The following CDH4 variants were observed in gnomAD, a reference collection of about 807,000 sequenced individuals.
The protein encoded by CDH4 is cadherin-4.
CDH4 carries 33 observed loss-of-function variants against 86.0 expected under a neutral mutation model. The observed-to-expected ratio is 0.38, with a 90% CI of 0.29 to 0.51. The LOEUF (loss-of-function observed/expected upper bound fraction) is 0.51, where lower values mean the gene tolerates loss of function less well. Among genes scored for constraint, CDH4 ranks in the 20% least tolerant of loss-of-function variants. CDH4 has a pLI of 0.86. For synonymous variants in CDH4, 555 were observed against 549.4 expected, an observed-to-expected ratio of 1.01 and a Z score of -0.14; for missense variants, 1,114 against 1,307.4, an observed-to-expected ratio of 0.85 and a Z score of 2.28.
chr20:61,274,933 TTGGA>T (rs2084218601), intron 2 of CDH4, among the ~76,000 whole-genome samples: 1 of 148,064 alleles, frequency 6.8e-6, no homozygotes, highest in African/African-American at 2.5e-5. Context: ...TGTGCACAGT[TTGGA>T]GGAGTACCAT....
chr20:61,287,895 G>A (rs189081126), intron 2 of CDH4, among the ~76,000 whole-genome samples: 60 of 152,256 alleles, frequency 3.9e-4, no homozygotes, highest in Non-Finnish European at 6.6e-4. Context: ...GCCAGTGTCC[G>A]GGTGGCACTG....
At chr20:61,746,970 G>A (rs1047592223) in intron 3 of CDH4, among the ~76,000 whole-genome samples, 10 of 152,220 alleles carry the variant, frequency 6.6e-5, no homozygotes, top group African/African-American at 1.9e-4. Context: ...CCGGATTGCT[G>A]GTGTCCTGGC....
At chr20:61,624,486 C>T (rs2086810037) in intron 2 of CDH4, among the ~76,000 whole-genome samples, 1 of 152,190 alleles carries the variant, frequency 6.6e-6, no homozygotes, top group Admixed American at 6.5e-5. Flanking sequence ...CTCCCTTCCC[C>T]AGCTCCCCCT....
chr20:61,407,034 C>T (rs1423644449), intron 2 of CDH4, among the ~76,000 whole-genome samples: 2 of 151,966 alleles, frequency 1.3e-5, no homozygotes, highest in Non-Finnish European at 2.9e-5. Context: ...CCTGGACCAC[C>T]ATCTGCTCTG....
intron 2 of CDH4, among the ~76,000 whole-genome samples, chr20:61,422,316 CG>C (rs1568838302): frequency 6.6e-6 from 1 of 150,760 alleles, no homozygotes; most frequent in East Asian, 2.0e-4. Flanking sequence ...CCCAGCTACT[CG>C]GGGGGCTGAA....
intron 5 of CDH4, among the ~76,000 whole-genome samples, chr20:61,847,233 C>T (rs573507153): frequency 2.7e-4 from 41 of 152,336 alleles, no homozygotes; most frequent in Non-Finnish European, 4.6e-4. Context: ...GCACACAGCA[C>T]GGCTAGGGGA....
chr20:61,619,851 A>T (rs1361166442), intron 2 of CDH4, among the ~76,000 whole-genome samples: 4 of 152,242 alleles, frequency 2.6e-5, no homozygotes, highest in Non-Finnish European at 2.9e-5. Context: ...CAAGAGGGGA[A>T]GTTGCCGTAG....
At chr20:61,863,853 G>C (rs559593501) in intron 6 of CDH4, among the ~76,000 whole-genome samples, 2 of 152,296 alleles carry the variant, frequency 1.3e-5, no homozygotes, top group South Asian at 4.1e-4. Context: ...GGCCACAGAG[G>C]CTCCTGCGGA....
chr20:61,521,084 T>C lies in CDH4; in HGVS notation c.170-222479T>C, dbSNP rs540855081. Among the ~76,000 whole-genome samples, 47 of 152,334 alleles carry C rather than the reference T, an allele frequency of 3.1e-4. No individual in the cohort carries two copies. In the Middle Eastern group the frequency reaches 0.014, roughly 44 times the overall value. On this transcript the variant is annotated intron_variant, in intron 2 of 15. Coordinates refer to ENST00000614565, the MANE Select transcript of CDH4 (RefSeq NM_001794.5). ...TCTGTTCTGATTTGAAGATGGCTAG[T>C]GTCTTTTGCGATCATCCCATCAGAA...
chr20:61,603,017 C>T (rs1452915240), intron 2 of CDH4, among the ~76,000 whole-genome samples: 3 of 152,238 alleles, frequency 2.0e-5, no homozygotes, highest in African/African-American at 7.2e-5. Context: ...ATTAAGCAAC[C>T]ATTTTGCACC....
At chr20:61,611,393 G>A (rs545413717) in intron 2 of CDH4, among the ~76,000 whole-genome samples, 127 of 152,136 alleles carry the variant, frequency 8.3e-4, no homozygotes, top group South Asian at 3.1e-3. Flanking sequence ...GAGCTGAGCC[G>A]GGAACCTGGG....
chr20:61,884,429 G>A (rs1050583048), intron 7 of CDH4, among the ~76,000 whole-genome samples: 2 of 152,234 alleles, frequency 1.3e-5, no homozygotes, highest in African/African-American at 4.8e-5. Flanking sequence ...AGTGGTGAGG[G>A]AGAGACAGTG....
intron 2 of CDH4, among the ~76,000 whole-genome samples, chr20:61,579,051 C>T (rs911649809): frequency 1.3e-5 from 2 of 152,246 alleles, no homozygotes; most frequent in African/African-American, 2.4e-5. Context: ...CTCAGTCCTG[C>T]GGGGCCATGC....
chr20:61,788,937 G>T (rs1175193186), intron 4 of CDH4, among the ~76,000 whole-genome samples: 1 of 152,248 alleles, frequency 6.6e-6, no homozygotes, highest in Non-Finnish European at 1.5e-5. Flanking sequence ...TTCCCTAGTG[G>T]TGCTGAAACA....
chr20:61,461,567 G>T (rs538696596), intron 2 of CDH4, among the ~76,000 whole-genome samples: 1 of 152,122 alleles, frequency 6.6e-6, no homozygotes, highest in Non-Finnish European at 1.5e-5. Context: ...GTCCAGGCAC[G>T]GATGCCTGGG....
intron 2 of CDH4, among the ~76,000 whole-genome samples, chr20:61,387,878 T>C (rs1238672854): frequency 7.1e-6 from 1 of 141,134 alleles, no homozygotes; most frequent in Non-Finnish European, 1.5e-5. Flanking sequence ...CCGCCCCAGG[T>C]CTCCACTGCC....
intron 2 of CDH4, among the ~76,000 whole-genome samples, chr20:61,588,642 A>G (rs1241759449): frequency 1.3e-5 from 2 of 151,950 alleles, no homozygotes; most frequent in Non-Finnish European, 1.5e-5. Flanking sequence ...CCGAGACCAC[A>G]CTAGCCCGCT....
intron 2 of CDH4, among the ~76,000 whole-genome samples, chr20:61,315,287 G>A (rs1339319567): frequency 6.6e-6 from 1 of 152,188 alleles, no homozygotes; most frequent in East Asian, 1.9e-4. Flanking sequence ...CCTCCTCTGG[G>A]CATGAGGCAG....
At chr20:61,536,052 G>A (rs201085417) in intron 2 of CDH4, among the ~76,000 whole-genome samples, 8 of 126,458 alleles carry the variant, frequency 6.3e-5, no homozygotes, top group Non-Finnish European at 1.2e-4. Context: ...GAGTGCCCCC[G>A]GAGCCCCACC....
Sources: allele counts gnomAD v4.1 joint callset (sites outside exome capture counted in the v4.1 genomes callset), GRCh38; gene constraint gnomAD v4.1.1; transcripts MANE v1.5; gene names NCBI Gene and HGNC (gene_info 2026-07-23, HGNC 2026-07-21).